The following FBXO25 variants were observed in gnomAD, a reference collection of about 807,000 sequenced individuals.
FBXO25 encodes the protein F-box protein 25, also known as F-box only protein 25.
A neutral mutation model predicts 51.9 loss-of-function variants in FBXO25; 45 were observed. The ratio of observed to expected loss-of-function variants is 0.87; its 90% CI spans 0.68 to 1.11. The LOEUF (loss-of-function observed/expected upper bound fraction) is 1.11, where lower values mean the gene tolerates loss of function less well. Ranked by LOEUF, FBXO25 falls within the 50% of genes most tolerant of loss-of-function variation. The pLI is 0.00. For synonymous variants in FBXO25, 199 were observed against 151.0 expected, an observed-to-expected ratio of 1.32 and a Z score of -2.33; for missense variants, 507 against 428.5, an observed-to-expected ratio of 1.18 and a Z score of -1.62.
At chr8:457,625 G>A (rs924398706) in intron 7 of FBXO25, among the ~76,000 whole-genome samples, 1 of 152,206 alleles carries the variant, frequency 6.6e-6, no homozygotes, top group African/African-American at 2.4e-5. Context: ...CATGATGACT[G>A]CAGTTAATAA....
chr8:442,327 C>A (rs556886152), intron 5 of FBXO25, among the ~76,000 whole-genome samples: 1 of 151,154 alleles, frequency 6.6e-6, no homozygotes, highest in Non-Finnish European at 1.5e-5. Context: ...TTCATAAGTT[C>A]TACTTGAAGT....
Position 458,390 on chromosome 8 carries a change from C to T in FBXO25, c.682C>T (p.Leu228Phe). The change falls in exon 8 of 10, where the codon CTC becomes TTC. Residue 228 changes from leucine (L) to phenylalanine (F), a missense_variant. Transcript: ENST00000350302. Reference protein sequence around the residue: ...MTKQVNNGLTLSDLPLHMLNN... With the variant: ...MTKQVNNGLTFSDLPLHMLNN... The stretch of plus-strand genomic sequence containing the variant: ...TCAGCAAGTGAACAATGGCCTCACC[C>T]TCAGTGACCTTCCTCTGCACATGCT... The T allele has an allele frequency of 6.2e-7, 1 of 1,613,892 alleles. No individual in the cohort carries two copies. The highest frequency in any genetic ancestry group is 8.5e-7 in the Non-Finnish European group (1 of 1,179,910).
chr8:413,087 T>A lies in FBXO25; in HGVS notation c.8T>A (p.Phe3Tyr). The part of the protein sequence containing the change: MP[F>Y]LGQDWRSPGW... Reference sequence around the variant, plus strand: ...CTTTTTCATAGGAGAACTATGCCATTTTTGGGTCAGGACTGGAGATCTCCT... The same window carrying A: ...CTTTTTCATAGGAGAACTATGCCATATTTGGGTCAGGACTGGAGATCTCCT... Residue 3 changes from phenylalanine to tyrosine, a missense_variant, in exon 2 of 10, where the codon TTT (phenylalanine) becomes TAT (tyrosine). Coordinates refer to ENST00000350302, the MANE Select transcript of FBXO25 (RefSeq NM_183420.2). The A allele has an allele frequency of 6.5e-7, 1 of 1,538,006 alleles. No homozygotes were observed. The highest frequency in any genetic ancestry group is 8.7e-7 in the Non-Finnish European group (1 of 1,147,930).
At position 470,344 on chromosome 8, in the gene FBXO25, T is replaced by C. The variant is rs1159858926; in HGVS notation, c.*1540T>C. 1.3e-5 allele frequency: 2 copies of C among 152,228 alleles called. No homozygotes were observed. The highest frequency in any genetic ancestry group is 2.9e-5 in the Non-Finnish European group (2 of 68,070). The allele number at this position is 152,228 out of a possible 1,614,324, so 9.4% of individuals were successfully genotyped here. On this transcript the variant is annotated 3_prime_UTR_variant, in exon 10 of 10. Coordinates refer to ENST00000350302, the MANE Select transcript of FBXO25 (RefSeq NM_183420.2). ...TTTAAATATATTTCTAGATTGTTCA[T>C]GAAAAAAAATTTTTTTGGAGTTTGT... is the stretch of plus-strand genomic sequence containing the variant.
intron 2 of FBXO25, among the ~76,000 whole-genome samples, chr8:414,682 C>G (rs1298589712): frequency 6.6e-6 from 1 of 152,164 alleles, no homozygotes; most frequent in African/African-American, 2.4e-5. Flanking sequence ...CCCTCTGTCT[C>G]CCTTTCCCCT....
chr8:472,015 A>G lies in FBXO25; in HGVS notation c.*3211A>G, dbSNP rs759163106. ...TGCTGTGTACAAAATCATGTCATCT[A>G]TGAATAGACAGTTTCACTTCTTCCT... On this transcript the variant is annotated 3_prime_UTR_variant, in exon 10 of 10. Coordinates refer to ENST00000350302, the MANE Select transcript of FBXO25 (RefSeq NM_183420.2). 2 of 152,220 alleles carry G rather than the reference A, an allele frequency of 1.3e-5. No homozygotes were observed. Among genetic ancestry groups the G allele is most frequent in the Non-Finnish European group, 1.5e-5 (1 of 68,042 alleles). 9.4% of individuals were successfully genotyped at this position (152,220 alleles called of 1,614,324 possible).
intron 5 of FBXO25, among the ~76,000 whole-genome samples, chr8:445,629 G>C (rs1201280828): frequency 6.6e-6 from 1 of 152,226 alleles, no homozygotes; most frequent in Non-Finnish European, 1.5e-5. Flanking sequence ...GAGGTGGGCG[G>C]ATCACCTGAG....
At position 424,928 on chromosome 8, in the gene FBXO25, G is replaced by GA. The variant is rs1212780597; in HGVS notation, c.135-6406dup. Among the ~76,000 whole-genome samples the GA allele has an allele frequency of 3.3e-5, 5 of 152,076 alleles. No individual in the cohort carries two copies. The South Asian group carries it at 8.3e-4, about 25-fold the overall frequency. ...TTATAATTAACTTGTTTAGCTCTAA[G>GA]AAAAAAACTTGATTTTGTATTGGAA... On this transcript the variant is annotated intron_variant, in intron 2 of 9. Transcript: ENST00000350302.
chr8:449,366 G>T (rs1455485109), intron 5 of FBXO25, among the ~76,000 whole-genome samples: 6 of 152,248 alleles, frequency 3.9e-5, no homozygotes, highest in Admixed American at 1.3e-4. Flanking sequence ...TCCCACAGGA[G>T]ACCTCTACTT....
chr8:446,807 C>T (rs780007790), intron 5 of FBXO25, among the ~76,000 whole-genome samples: 4 of 151,978 alleles, frequency 2.6e-5, no homozygotes, highest in Non-Finnish European at 5.9e-5. Context: ...AATGTTTTTT[C>T]CCCCAAAGAT....
intron 5 of FBXO25, among the ~76,000 whole-genome samples, chr8:444,139 A>G (rs1265815135): frequency 6.6e-6 from 1 of 152,250 alleles, no homozygotes; most frequent in Admixed American, 6.5e-5. Context: ...CTTTCTAATA[A>G]TCACTCAGTA....
At chr8:428,726 C>A (rs906672127) in intron 2 of FBXO25, among the ~76,000 whole-genome samples, 28 of 152,204 alleles carry the variant, frequency 1.8e-4, no homozygotes, top group African/African-American at 6.5e-4. Flanking sequence ...GACCTGGTAA[C>A]TGGCTTTCTA....
intron 5 of FBXO25, among the ~76,000 whole-genome samples, chr8:437,334 G>T (rs1798159902): frequency 6.6e-6 from 1 of 152,222 alleles, no homozygotes; most frequent in African/African-American, 2.4e-5. Context: ...CAGATGTGGA[G>T]CGAGGGAACT....
At chr8:435,507 A>C in intron 4 of FBXO25, 108 bp from the exon 5 acceptor site, 1 of 1,117,874 alleles carries the variant, frequency 8.9e-7, no homozygotes, top group East Asian at 2.6e-5. Context: ...CAAAATAAAA[A>C]CAAATTGTCC....
chr8:458,701 T>C, intron 8 of FBXO25, 150 bp downstream of exon 8: 1 of 735,640 alleles, frequency 1.4e-6, no homozygotes, highest in Non-Finnish European at 2.2e-6. Context: ...TTGAGATTGC[T>C]GTGGGTTCTC....
At chr8:423,225 C>T (rs373905273) in intron 2 of FBXO25, among the ~76,000 whole-genome samples, 1 of 152,178 alleles carries the variant, frequency 6.6e-6, no homozygotes, top group East Asian at 1.9e-4. Flanking sequence ...ACTGTGTTTT[C>T]ATGTCAGCTG....
At chr8:422,032 AG>A (rs1797185790) in intron 2 of FBXO25, among the ~76,000 whole-genome samples, 1 of 152,224 alleles carries the variant, frequency 6.6e-6, no homozygotes, top group Non-Finnish European at 1.5e-5. Flanking sequence ...TAAATATAGA[AG>A]GAATAAGGGA....
chr8:420,040 C>A (rs1273561271), intron 2 of FBXO25, among the ~76,000 whole-genome samples: 3 of 152,058 alleles, frequency 2.0e-5, no homozygotes, highest in African/African-American at 7.3e-5. Context: ...GCATGTGATG[C>A]CCAACTTAAT....
intron 1 of FBXO25, among the ~76,000 whole-genome samples, chr8:411,840 C>A (rs1443982926): frequency 6.6e-6 from 1 of 152,156 alleles, no homozygotes; most frequent in Non-Finnish European, 1.5e-5. Flanking sequence ...GTGTGAGCAT[C>A]TGAGGTGGTT....
Sources: allele counts gnomAD v4.1 joint callset (sites outside exome capture counted in the v4.1 genomes callset), GRCh38; gene constraint gnomAD v4.1.1; transcripts MANE v1.5; gene names NCBI Gene and HGNC (gene_info 2026-07-23, HGNC 2026-07-21).